Variants in SNTG2 observed in about 807,000 individuals in gnomAD.
SNTG2 encodes the protein gamma-2-syntrophin.
A neutral mutation model predicts 70.9 loss-of-function variants in SNTG2; 74 were observed. The observed-to-expected ratio is 1.04, with a 90% confidence interval of 0.86 to 1.27. The LOEUF (loss-of-function observed/expected upper bound fraction) is 1.27. SNTG2 is among the 50% of genes most tolerant of loss of function. The probability of loss-of-function intolerance (pLI) is 0.00; values close to 1 mark genes in which losing one functional copy is unlikely to be tolerated. For synonymous variants in SNTG2, 278 were observed against 273.8 expected, an observed-to-expected ratio of 1.02 and a Z score of -0.15; for missense variants, 717 against 690.7, an observed-to-expected ratio of 1.04 and a Z score of -0.43.
intron 1 of SNTG2, among the ~76,000 whole-genome samples, chr2:1,066,759 C>T (rs979530407): frequency 6.6e-6 from 1 of 152,082 alleles, no homozygotes; most frequent in Non-Finnish European, 1.5e-5. Flanking sequence ...ACCCACTTAT[C>T]GAGCTTCCTC....
chr2:969,834 C>A (rs1248444979), intron 1 of SNTG2, among the ~76,000 whole-genome samples: 1 of 152,180 alleles, frequency 6.6e-6, no homozygotes, highest in Non-Finnish European at 1.5e-5. Flanking sequence ...TTTCACTCTT[C>A]CTATTTGTAT....
chr2:1,079,706 C>T (rs1220427368), intron 1 of SNTG2, among the ~76,000 whole-genome samples: 1 of 152,158 alleles, frequency 6.6e-6, no homozygotes, highest in African/African-American at 2.4e-5. Context: ...CAGTGTTTTC[C>T]ATTCCTAGAT....
chr2:1,029,013 G>T (rs1172567459), intron 1 of SNTG2, among the ~76,000 whole-genome samples: 1 of 152,160 alleles, frequency 6.6e-6, no homozygotes, highest in Non-Finnish European at 1.5e-5. Context: ...CTTCTGTCCA[G>T]GCTGGAGTGT....
At chr2:1,007,661 A>C (rs909056644) in intron 1 of SNTG2, among the ~76,000 whole-genome samples, 1 of 152,330 alleles carries the variant, frequency 6.6e-6, no homozygotes, top group South Asian at 2.1e-4. Flanking sequence ...ATGATGTACT[A>C]TATGGGAGAG....
chr2:1,297,857 A>T (rs1242325483), intron 14 of SNTG2, among the ~76,000 whole-genome samples: 1 of 152,190 alleles, frequency 6.6e-6, no homozygotes, highest in Non-Finnish European at 1.5e-5. Context: ...GCAGAAGTTA[A>T]CAAGTTTGAA....
intron 1 of SNTG2, among the ~76,000 whole-genome samples, chr2:1,054,906 A>C (rs1293545954): frequency 6.6e-6 from 1 of 151,998 alleles, no homozygotes; most frequent in Non-Finnish European, 1.5e-5. Context: ...TTTAGAAGTT[A>C]AAAATATTGC....
intron 6 of SNTG2, among the ~76,000 whole-genome samples, chr2:1,138,691 G>T (rs1668559853): frequency 1.3e-5 from 2 of 152,172 alleles, no homozygotes; most frequent in Admixed American, 1.3e-4. Context: ...AGCCAGCAGA[G>T]CCCTCACGGG....
chr2:975,466 C>G (rs1325391196), intron 1 of SNTG2, among the ~76,000 whole-genome samples: 1 of 152,248 alleles, frequency 6.6e-6, no homozygotes. Flanking sequence ...TCCCCTGTGA[C>G]TCTTAGGAGA....
At chr2:1,086,305 G>GCTCTCTCGCTCTCTCTGTCTCT in intron 2 of SNTG2, among the ~76,000 whole-genome samples, 1 of 152,266 alleles carries the variant, frequency 6.6e-6, no homozygotes, top group African/African-American at 2.4e-5. Context: ...ACACGGGCTC[G>GCTCTCTCGCTCTCTCTGTCTCT]CTCTCTCGCT....
At chr2:1,103,598 C>T (rs940645763) in intron 4 of SNTG2, among the ~76,000 whole-genome samples, 4 of 152,202 alleles carry the variant, frequency 2.6e-5, no homozygotes, top group African/African-American at 4.8e-5. Context: ...CCATGTTGGC[C>T]GGGATCATCT....
At chr2:1,016,401 TG>T (rs1157776433) in intron 1 of SNTG2, among the ~76,000 whole-genome samples, 2 of 152,174 alleles carry the variant, frequency 1.3e-5, no homozygotes, top group African/African-American at 4.8e-5. Context: ...GCCACGTGCC[TG>T]GCTAATTTTT....
At chr2:1,156,504 C>T (rs1669905771) in intron 6 of SNTG2, among the ~76,000 whole-genome samples, 1 of 152,176 alleles carries the variant, frequency 6.6e-6, no homozygotes. Flanking sequence ...GTGTCCTGCC[C>T]TGCGCTAGAG....
intron 14 of SNTG2, among the ~76,000 whole-genome samples, chr2:1,298,954 A>G (rs968303387): frequency 1.3e-5 from 2 of 152,118 alleles, no homozygotes; most frequent in Admixed American, 6.5e-5. Context: ...TCAGACTCCA[A>G]GTTCTTCAGT....
intron 14 of SNTG2, among the ~76,000 whole-genome samples, chr2:1,281,537 GGTGT>G (rs774483051): frequency 6.8e-6 from 1 of 147,492 alleles, no homozygotes; most frequent in African/African-American, 2.6e-5. Flanking sequence ...TGTTTGGTGT[GGTGT>G]GTGTGTATGT....
At chr2:1,186,859 A>G (rs1224576898) in intron 8 of SNTG2, among the ~76,000 whole-genome samples, 1 of 152,230 alleles carries the variant, frequency 6.6e-6, no homozygotes, top group East Asian at 1.9e-4. Context: ...CAAGAGACTC[A>G]CATGACTGCA....
chr2:1,265,920 G>T (rs935322330), intron 13 of SNTG2, among the ~76,000 whole-genome samples: 2 of 152,196 alleles, frequency 1.3e-5, no homozygotes, highest in Non-Finnish European at 2.9e-5. Flanking sequence ...TCACTGGGGA[G>T]AGACTGGTGC....
intron 1 of SNTG2, among the ~76,000 whole-genome samples, chr2:961,882 A>G (rs1660362374): frequency 6.6e-6 from 1 of 152,198 alleles, no homozygotes; most frequent in Non-Finnish European, 1.5e-5. Context: ...GGCTGGGTTT[A>G]TAGAAAACAC....
intron 4 of SNTG2, among the ~76,000 whole-genome samples, chr2:1,102,238 G>C (rs775065508): frequency 6.6e-6 from 1 of 152,166 alleles, no homozygotes; most frequent in African/African-American, 2.4e-5. Context: ...TTTATCCTGT[G>C]AGTAAGAGAG....
intron 4 of SNTG2, among the ~76,000 whole-genome samples, chr2:1,131,601 C>G (rs768502149): frequency 6.6e-5 from 10 of 151,986 alleles, no homozygotes; most frequent in Non-Finnish European, 1.0e-4. Context: ...TAGTTCACAC[C>G]TTTATGAGGG....
Sources: gnomAD v4.1 joint callset for allele counts (sites outside exome capture counted in the v4.1 genomes callset) on GRCh38, gnomAD v4.1.1 for gene constraint, MANE v1.5 for transcripts, NCBI Gene and HGNC (gene_info 2026-07-23, HGNC 2026-07-21) for gene names.